The following ZCWPW2 variants were observed in gnomAD, a reference collection of about 807,000 sequenced individuals.
ZCWPW2 encodes zinc finger CW-type PWWP domain protein 2.
Under a neutral mutation model 46.6 loss-of-function variants are expected in ZCWPW2, and 45 were observed. That is an observed-to-expected ratio of 0.96 (90% confidence interval 0.76 to 1.24). The LOEUF (loss-of-function observed/expected upper bound fraction) is 1.24, where lower values mean the gene tolerates loss of function less well. Ranked by LOEUF, ZCWPW2 falls within the 50% of genes most tolerant of loss-of-function variation. The probability of loss-of-function intolerance (pLI) is 0.00; values close to 1 mark genes in which losing one functional copy is unlikely to be tolerated. For missense variants in ZCWPW2, 429 were observed against 403.9 expected (o/e 1.06, Z -0.53); for synonymous variants, 152 against 137.1 (o/e 1.11, Z -0.76).
chr3:28,384,693 A>G (rs1695210924), intron 1 of ZCWPW2, among the ~76,000 whole-genome samples: 1 of 150,340 alleles, frequency 6.7e-6, no homozygotes, highest in South Asian at 2.1e-4. Context: ...GCTCACTGCA[A>G]CCTCCATCTC....
At chr3:28,427,122 T>G (rs1697045993) in intron 3 of ZCWPW2, among the ~76,000 whole-genome samples, 1 of 152,240 alleles carries the variant, frequency 6.6e-6, no homozygotes, top group Non-Finnish European at 1.5e-5. Flanking sequence ...TATACTTTTC[T>G]TGTAATTCTG....
chr3:28,360,682 AAG>A (rs1704906598), intron 1 of ZCWPW2, among the ~76,000 whole-genome samples: 2 of 152,238 alleles, frequency 1.3e-5, no homozygotes, highest in African/African-American at 2.4e-5. Flanking sequence ...GCATTAAAAA[AAG>A]AGATAACTGG....
intron 1 of ZCWPW2, among the ~76,000 whole-genome samples, chr3:28,372,995 A>G (rs1705385111): frequency 6.6e-6 from 1 of 152,050 alleles, no homozygotes; most frequent in African/African-American, 2.4e-5. Context: ...GTCTATATCT[A>G]TATATCCATA....
In ZCWPW2 at chr3:28,413,274, A is replaced by T; in HGVS notation, c.206A>T (p.Asn69Ile). The change falls in exon 3 of 10, where the codon AAT (asparagine) becomes ATT (isoleucine). Residue 69 changes from asparagine (N) to isoleucine (I), a missense_variant. Asn to Ile is a moderately radical substitution (Grantham distance 149). Coordinates refer to ENST00000383768, the MANE Select transcript of ZCWPW2 (RefSeq NM_001040432.4). ...YCFMNTDSRY[N>I]NCSISEEDFP... is the part of the protein sequence containing the mutation. The stretch of plus-strand genomic sequence containing the variant: ...TTCATGAACACTGATTCAAGATATA[A>T]TAACTGCTCAATTTCTGAAGAAGAC... 1 of 1,613,358 alleles carries T rather than the reference A, an allele frequency of 6.2e-7. No individual in the cohort carries two copies.
intron 6 of ZCWPW2, among the ~76,000 whole-genome samples, chr3:28,500,666 CA>C (rs1411191931): frequency 6.6e-6 from 1 of 152,034 alleles, no homozygotes; most frequent in Non-Finnish European, 1.5e-5. Context: ...TTCATTAGCC[CA>C]ATTAACAGGA....
At chr3:28,486,920 T>C (rs1245806182) in intron 5 of ZCWPW2, among the ~76,000 whole-genome samples, 1 of 133,950 alleles carries the variant, frequency 7.5e-6, no homozygotes, top group Non-Finnish European at 1.7e-5. Context: ...GGCTGTGTTA[T>C]TTTGTCAACA....
At chr3:28,393,527 G>A (rs1245377379) in intron 2 of ZCWPW2, among the ~76,000 whole-genome samples, 1 of 151,938 alleles carries the variant, frequency 6.6e-6, no homozygotes, top group Non-Finnish European at 1.5e-5. Flanking sequence ...GAACGTAGAC[G>A]CAAAAATCCT....
chr3:28,497,101 C>T (rs1373519907), intron 6 of ZCWPW2, among the ~76,000 whole-genome samples: 1 of 149,346 alleles, frequency 6.7e-6, no homozygotes, highest in East Asian at 2.0e-4. Context: ...AAAATACAAA[C>T]TGTTAAGATT....
chr3:28,392,682 G>T (rs1034781728), intron 2 of ZCWPW2, among the ~76,000 whole-genome samples: 5 of 151,962 alleles, frequency 3.3e-5, no homozygotes, highest in Non-Finnish European at 7.4e-5. Context: ...ACAAAATGTG[G>T]TAATTAAACA....
rs1039930679 is a variant in ZCWPW2 at position 28,359,173 on chromosome 3, A to C, written c.-134+9970A>C. On this transcript the variant is annotated intron_variant, in intron 1 of 9. Coordinates refer to ENST00000383768, the MANE Select transcript of ZCWPW2 (RefSeq NM_001040432.4). ...ATTGGATGAAAGTGGAAATGGTCAG[A>C]TCTGCCACCCAAATTGTTGTGTATT... is the stretch of plus-strand genomic sequence containing the variant. Among the ~76,000 whole-genome samples, 3 of 152,126 alleles carry C rather than the reference A, an allele frequency of 2.0e-5. No individual in the cohort carries two copies. The East Asian group carries it at 5.8e-4, about 29-fold the overall frequency.
chr3:28,413,136 A>G lies in ZCWPW2; in HGVS notation c.68A>G (p.Asn23Ser), dbSNP rs148504648. ...TATGCAATGGATTCCTCAGTGGAAAACATGTATGTAAACAAAGTGTGGGTT... is the reference window on the plus strand; with the variant it reads ...TATGCAATGGATTCCTCAGTGGAAAGCATGTATGTAAACAAAGTGTGGGTT... ...CNYAMDSSVENMYVNKVWVQC... is the reference protein window; with the variant it reads ...CNYAMDSSVESMYVNKVWVQC... Residue 23 changes from asparagine (N) to serine (S), a missense_variant, in exon 3 of 10, where the codon AAC (asparagine) becomes AGC (serine). Transcript: ENST00000383768. 3.0e-3 allele frequency: 4,906 copies of G among 1,613,132 alleles called. 15 individuals carry two copies. The highest frequency in any genetic ancestry group is 3.7e-3 in the Non-Finnish European group (4,420 of 1,179,414).
chr3:28,360,399 T>C (rs1030806867), intron 1 of ZCWPW2, among the ~76,000 whole-genome samples: 1 of 146,062 alleles, frequency 6.8e-6, no homozygotes, highest in Non-Finnish European at 1.5e-5. Flanking sequence ...GGCGGGTGCC[T>C]GTAGTTCCAG....
In ZCWPW2 at chr3:28,349,055, A is replaced by T. The variant is rs1704413112; in HGVS notation, c.-282A>T. On this transcript the variant is annotated 5_prime_UTR_variant, in exon 1 of 10. Transcript: ENST00000383768. ...GGAAACCGGAAGTCAGGCCCGAGGG[A>T]GCTGGGAGGGCGTTAGCGAAGCCAG... 2.0e-6 allele frequency: 2 copies of T among 985,794 alleles called. No homozygotes were observed. Among genetic ancestry groups the T allele is most frequent in the Non-Finnish European group, 2.4e-6 (2 of 830,380 alleles). The allele number at this position is 985,794 out of a possible 1,614,324, so 61.1% of individuals were successfully genotyped here.
chr3:28,461,304 T>G (rs2125788360), intron 4 of ZCWPW2, among the ~76,000 whole-genome samples: 1 of 152,248 alleles, frequency 6.6e-6, no homozygotes, highest in South Asian at 2.1e-4. Flanking sequence ...TTTGATTGAA[T>G]TACTTTAGTT....
At chr3:28,357,820 T>C (rs1053243543) in intron 1 of ZCWPW2, among the ~76,000 whole-genome samples, 16 of 147,788 alleles carry the variant, frequency 1.1e-4, no homozygotes, top group Non-Finnish European at 2.4e-4. Context: ...TATATATATA[T>C]CTCCATACAT....
chr3:28,358,034 G>T (rs894318808), intron 1 of ZCWPW2, among the ~76,000 whole-genome samples: 4 of 151,672 alleles, frequency 2.6e-5, no homozygotes, highest in African/African-American at 9.7e-5. Flanking sequence ...ATTTACTCTT[G>T]GTAGTCATTC....
intron 3 of ZCWPW2, among the ~76,000 whole-genome samples, chr3:28,421,808 T>C (rs1286220341): frequency 6.7e-6 from 1 of 150,346 alleles, no homozygotes; most frequent in Non-Finnish European, 1.5e-5. Context: ...CTTCATCTTG[T>C]TGAGAACCAT....
intron 1 of ZCWPW2, among the ~76,000 whole-genome samples, chr3:28,369,799 C>T (rs1345041943): frequency 6.6e-6 from 1 of 152,222 alleles, no homozygotes; most frequent in African/African-American, 2.4e-5. Flanking sequence ...CTGAGGTGGG[C>T]TCCACCCAGT....
At chr3:28,453,937 C>A (rs1016063784) in intron 4 of ZCWPW2, among the ~76,000 whole-genome samples, 2 of 151,388 alleles carry the variant, frequency 1.3e-5, no homozygotes, top group Admixed American at 1.3e-4. Context: ...CTCCGCCTCC[C>A]GGGTTCACAC....
Sources: allele counts gnomAD v4.1 joint callset (sites outside exome capture counted in the v4.1 genomes callset), GRCh38; gene constraint gnomAD v4.1.1; transcripts MANE v1.5; gene names NCBI Gene and HGNC (gene_info 2026-07-23, HGNC 2026-07-21).